HFM1: variants seen among roughly 807,000 people sequenced by gnomAD.
The protein encoded by HFM1 is helicase for meiosis 1.
Under a neutral mutation model 192.1 loss-of-function variants are expected in HFM1, and 169 were observed. That is an observed-to-expected ratio of 0.88 (90% CI 0.78 to 1.00). HFM1 has a LOEUF of 1.00. HFM1 is among the 50% of genes least tolerant of loss of function. The probability of loss-of-function intolerance (pLI) is 0.00; values close to 1 mark genes in which losing one functional copy is unlikely to be tolerated. For missense variants in HFM1, 1,661 were observed against 1,668.0 expected, an observed-to-expected ratio of 1.00 and a Z score of 0.07; for synonymous variants, 525 against 537.8, an observed-to-expected ratio of 0.98 and a Z score of 0.33.
intron 20 of HFM1, among the ~76,000 whole-genome samples, chr1:91,336,330 ATACT>A (rs1366583133): frequency 6.8e-6 from 1 of 146,518 alleles, no homozygotes; most frequent in Non-Finnish European, 1.5e-5. Flanking sequence ...CCTTCCTCTC[ATACT>A]TTCTCCCTCT....
intron 13 of HFM1, among the ~76,000 whole-genome samples, chr1:91,354,572 G>A (rs115628505): frequency 6.6e-6 from 1 of 152,064 alleles, no homozygotes; most frequent in Admixed American, 6.6e-5. Flanking sequence ...CAAAGACAAA[G>A]AGAGAATTTT....
intron 4 of HFM1, among the ~76,000 whole-genome samples, chr1:91,391,633 A>G (rs1412225337): frequency 6.6e-6 from 1 of 152,214 alleles, no homozygotes; most frequent in Non-Finnish European, 1.5e-5. Context: ...ATGTTAGACT[A>G]AAACCATAAA....
intron 20 of HFM1, among the ~76,000 whole-genome samples, chr1:91,334,377 ATG>A (rs1654268367): frequency 6.6e-6 from 1 of 152,300 alleles, no homozygotes; most frequent in South Asian, 2.1e-4. Flanking sequence ...CTAATATTTA[ATG>A]TGTTACCTAT....
chr1:91,405,067 C>T (rs936954093), upstream of HFM1, among the ~76,000 whole-genome samples: 6 of 152,256 alleles, frequency 3.9e-5, no homozygotes, highest in African/African-American at 1.4e-4. Context: ...TGCTTCTCTA[C>T]CCCCACAACC....
chr1:91,275,011 G>A (rs1168241675), intron 32 of HFM1, among the ~76,000 whole-genome samples: 2 of 140,056 alleles, frequency 1.4e-5, no homozygotes, highest in African/African-American at 5.4e-5. Flanking sequence ...TTGAGATGGA[G>A]TTTTGTTCTT....
intron 30 of HFM1, among the ~76,000 whole-genome samples, chr1:91,277,694 AAT>A (rs1390141990): frequency 1.6e-5 from 2 of 125,810 alleles, no homozygotes; most frequent in African/African-American, 3.1e-5. Flanking sequence ...AATATATACT[AAT>A]ATATATTATA....
At chr1:91,336,929 A>G (rs1557870528) in intron 20 of HFM1, among the ~76,000 whole-genome samples, 1 of 152,234 alleles carries the variant, frequency 6.6e-6, no homozygotes, top group Non-Finnish European at 1.5e-5. Context: ...TGTCCTCTGC[A>G]GGAAAATGGA....
At chr1:91,313,525 T>C (rs749119485) in intron 29 of HFM1, 30 bp from the exon 30 acceptor site, 5 of 1,484,946 alleles carry the variant, frequency 3.4e-6, no homozygotes, top group Admixed American at 2.1e-5. Flanking sequence ...TACACAAATG[T>C]TTATTTGTCA....
intron 28 of HFM1, 122 bp downstream of exon 28, chr1:91,315,693 T>C: frequency 1.6e-6 from 1 of 635,268 alleles, no homozygotes; most frequent in South Asian, 2.7e-5. Context: ...ATCCCATTAT[T>C]GTGTCAGGAA....
At chr1:91,346,610 T>G (rs1463824718) in intron 19 of HFM1, among the ~76,000 whole-genome samples, 1 of 152,210 alleles carries the variant, frequency 6.6e-6, no homozygotes, top group Non-Finnish European at 1.5e-5. Flanking sequence ...CATATTTTCT[T>G]TTACTAAGGA....
At chr1:91,288,304 C>T (rs1463429936) in intron 30 of HFM1, among the ~76,000 whole-genome samples, 2 of 151,432 alleles carry the variant, frequency 1.3e-5, no homozygotes, top group Non-Finnish European at 1.5e-5. Context: ...ATCAGACTAA[C>T]AGCAGATCTC....
At chr1:91,367,934 C>T (rs1659603644) in intron 13 of HFM1, among the ~76,000 whole-genome samples, 1 of 152,162 alleles carries the variant, frequency 6.6e-6, no homozygotes, top group African/African-American at 2.4e-5. Context: ...AAAACCACAG[C>T]ACGAGAACTA....
At chr1:91,316,022 A>T in intron 27 of HFM1, 50 bp from the exon 28 acceptor site, 1 of 1,486,968 alleles carries the variant, frequency 6.7e-7, no homozygotes, top group Non-Finnish European at 9.3e-7. Flanking sequence ...CTTACTTCTC[A>T]TACTCAGCTG....
chr1:91,380,301 TAA>T, intron 7 of HFM1, 65 bp from the exon 8 acceptor site: 1 of 1,020,426 alleles, frequency 9.8e-7, no homozygotes, highest in South Asian at 2.5e-5. Flanking sequence ...CTCAATTTGT[TAA>T]AAAAAAAGTC....
chr1:91,352,540 A>C lies in HFM1; in HGVS notation c.1943T>G (p.Ile648Ser). ...GLFEEYSETD[I>S]LQMIGRAGRP... ...ACCAGCTCTACCAATCATCTGTAGAATATCTGTTTCACTGTACTCTTCAAA... is the reference window on the plus strand; with the variant it reads ...ACCAGCTCTACCAATCATCTGTAGACTATCTGTTTCACTGTACTCTTCAAA... Residue 648 changes from isoleucine (I) to serine (S), a missense_variant, in exon 16 of 39, where the codon ATT becomes AGT. Ile to Ser is a moderately radical substitution (Grantham distance 142, BLOSUM62 -2). Transcript: ENST00000370425. 9 of 1,607,988 alleles carry C rather than the reference A, an allele frequency of 5.6e-6. No homozygotes were observed. Among genetic ancestry groups the C allele is most frequent in the East Asian group, 2.2e-5 (1 of 44,654 alleles).
intron 19 of HFM1, among the ~76,000 whole-genome samples, chr1:91,346,287 A>G (rs1445260986): frequency 6.6e-6 from 1 of 152,246 alleles, no homozygotes; most frequent in African/African-American, 2.4e-5. Flanking sequence ...ATCTGAATAT[A>G]GCAATATATC....
At chr1:91,318,551 A>G (rs281998) in intron 25 of HFM1, among the ~76,000 whole-genome samples, 106,173 of 151,920 alleles carry the variant, frequency 0.7, 37,368 homozygotes, top group East Asian at 0.83. Context: ...AGCACACACT[A>G]CACAAGGTCC....
intron 18 of HFM1, among the ~76,000 whole-genome samples, chr1:91,348,405 G>C (rs944452952): frequency 6.6e-6 from 1 of 152,076 alleles, no homozygotes; most frequent in Non-Finnish European, 1.5e-5. Flanking sequence ...TACCAATTTA[G>C]CCACAGGTAT....
chr1:91,305,549 A>G (rs982184536), intron 30 of HFM1, among the ~76,000 whole-genome samples: 3 of 152,064 alleles, frequency 2.0e-5, no homozygotes, highest in Non-Finnish European at 4.4e-5. Flanking sequence ...CTTAGAAATA[A>G]TGACAATTTA....
Sources: gnomAD v4.1 joint callset for allele counts (sites outside exome capture counted in the v4.1 genomes callset) on GRCh38, gnomAD v4.1.1 for gene constraint, MANE v1.5 for transcripts, NCBI Gene and HGNC (gene_info 2026-07-23, HGNC 2026-07-21) for gene names.